Variants in NFAT5 observed in about 807,000 individuals in gnomAD.
NFAT5 encodes the protein nuclear factor of activated T-cells 5.
NFAT5 carries 31 observed loss-of-function variants against 166.5 expected under a neutral mutation model. That is an observed-to-expected ratio of 0.19 (90% CI 0.14 to 0.25). The LOEUF (loss-of-function observed/expected upper bound fraction) is 0.25, where lower values mean the gene tolerates loss of function less well. Among genes scored for constraint, NFAT5 ranks in the 10% least tolerant of loss-of-function variants. NFAT5 has a pLI of 1.00. For missense variants in NFAT5, 1,449 were observed against 1,821.8 expected, an observed-to-expected ratio of 0.80 and a Z score of 3.72; for synonymous variants, 612 against 639.7, an observed-to-expected ratio of 0.96 and a Z score of 0.65.
At chr16:69,657,218 C>T (rs775065440) in intron 6 of NFAT5, among the ~76,000 whole-genome samples, 123 of 151,800 alleles carry the variant, frequency 8.1e-4, no homozygotes, top group African/African-American at 1.9e-3. Context: ...GCAACCTCCA[C>T]CTCCTGGGTT....
chr16:69,632,993 T>C (rs2034786805), intron 3 of NFAT5, among the ~76,000 whole-genome samples: 1 of 152,194 alleles, frequency 6.6e-6, no homozygotes, highest in South Asian at 2.1e-4. Context: ...CATACACTTA[T>C]ACATATGGAT....
At chr16:69,631,580 T>A (rs2034720336) in intron 3 of NFAT5, among the ~76,000 whole-genome samples, 1 of 152,178 alleles carries the variant, frequency 6.6e-6, no homozygotes, top group Non-Finnish European at 1.5e-5. Flanking sequence ...TTAATACTCT[T>A]TTTAGAAGTA....
intron 7 of NFAT5, 137 bp from the exon 8 acceptor site, chr16:69,669,840 A>G (rs2036553253): frequency 7.0e-6 from 5 of 714,628 alleles, no homozygotes; most frequent in Non-Finnish European, 8.6e-6. Flanking sequence ...CTTTCCAGAT[A>G]ATTGTGTAAC....
chr16:69,667,010 A>G (rs894119674), intron 7 of NFAT5, among the ~76,000 whole-genome samples: 1 of 151,978 alleles, frequency 6.6e-6, no homozygotes, highest in African/African-American at 2.4e-5. Flanking sequence ...TGATGAGTTC[A>G]TGTCCTTTGT....
intron 7 of NFAT5, among the ~76,000 whole-genome samples, chr16:69,668,318 A>G (rs757754493): frequency 5.3e-5 from 8 of 152,152 alleles, no homozygotes; most frequent in Non-Finnish European, 1.0e-4. Flanking sequence ...AACAATTTCT[A>G]TTAAACTCCC....
At chr16:69,630,539 A>G (rs562942078) in intron 3 of NFAT5, among the ~76,000 whole-genome samples, 2 of 152,324 alleles carry the variant, frequency 1.3e-5, no homozygotes, top group South Asian at 2.1e-4. Flanking sequence ...GATGTTCAAT[A>G]TATCAATGAA....
intron 11 of NFAT5, 26 bp downstream of exon 11, chr16:69,684,996 T>C: frequency 1.3e-6 from 2 of 1,545,612 alleles, no homozygotes; most frequent in Admixed American, 1.7e-5. Context: ...TTCTCAAAAA[T>C]CGTAATTGGG....
chr16:69,663,434 A>C (rs2036232453), intron 7 of NFAT5, among the ~76,000 whole-genome samples: 1 of 151,982 alleles, frequency 6.6e-6, no homozygotes, highest in Non-Finnish European at 1.5e-5. Flanking sequence ...GTTATATCAA[A>C]TTAAGAATAT....
At chr16:69,618,519 A>G (rs962525606) in intron 2 of NFAT5, among the ~76,000 whole-genome samples, 6 of 152,244 alleles carry the variant, frequency 3.9e-5, no homozygotes. Flanking sequence ...TGTTTTTAAC[A>G]AAATGAATGC....
In NFAT5 at chr16:69,655,812, T is replaced by C; in HGVS notation, c.1196+13T>C. The C allele has an allele frequency of 6.2e-7, 1 of 1,603,506 alleles. No individual in the cohort carries two copies. Among genetic ancestry groups the C allele is most frequent in the South Asian group, 1.1e-5 (1 of 89,680 alleles). On this transcript the variant is annotated intron_variant, in intron 6 of 14. Transcript: ENST00000349945. ...ACATGACACTGGCGTAAGTACTTAG[T>C]AAGAATTTTTCATTATACATTACAC...
At chr16:69,587,944 CTTTTTTTTTTTTT>C (rs61460423) in intron 2 of NFAT5, among the ~76,000 whole-genome samples, 2 of 68,232 alleles carry the variant, frequency 2.9e-5, no homozygotes, top group Admixed American at 1.8e-4. Flanking sequence ...ATAGTGCTTT[CTTTTTTTTTTTTT>C]TTTTTTTTTT....
intron 9 of NFAT5, among the ~76,000 whole-genome samples, chr16:69,674,871 A>C (rs2036769999): frequency 6.6e-6 from 1 of 152,204 alleles, no homozygotes; most frequent in Admixed American, 6.5e-5. Flanking sequence ...TTTTTCTAAG[A>C]AGTTAAAATT....
chr16:69,625,836 A>G (rs1275580421), intron 2 of NFAT5, among the ~76,000 whole-genome samples: 2 of 151,952 alleles, frequency 1.3e-5, no homozygotes, highest in Admixed American at 1.3e-4. Flanking sequence ...TTTCAATGTT[A>G]ATAACTTTTT....
chr16:69,584,711 C>A (rs979846865), intron 2 of NFAT5, among the ~76,000 whole-genome samples: 6 of 151,910 alleles, frequency 3.9e-5, no homozygotes, highest in Non-Finnish European at 8.8e-5. Flanking sequence ...TCCCCTGAGG[C>A]CAGGATGTCG....
intron 10 of NFAT5, among the ~76,000 whole-genome samples, chr16:69,678,426 G>A (rs2036922552): frequency 6.6e-6 from 1 of 151,966 alleles, no homozygotes; most frequent in South Asian, 2.1e-4. Flanking sequence ...TGTTAGCCAG[G>A]CTGGTCTCAA....
chr16:69,653,233 C>T lies in NFAT5; in HGVS notation c.813-3C>T, dbSNP rs760970942. On this transcript the variant is annotated splice_polypyrimidine_tract_variant and splice_region_variant and intron_variant, in intron 4 of 14. Transcript: ENST00000349945. ...TTCTCCATGTTGTGCTTTGATTTCT[C>T]AGAACATTGGAAAACCAAAAAGGAA... 3 of 1,551,408 alleles carry T rather than the reference C, an allele frequency of 1.9e-6. No individual in the cohort carries two copies. The East Asian group carries it at 7.3e-5, about 38-fold the overall frequency.
intron 13 of NFAT5, among the ~76,000 whole-genome samples, chr16:69,694,513 C>G (rs1366706247): frequency 2.0e-5 from 3 of 152,172 alleles, no homozygotes; most frequent in Non-Finnish European, 4.4e-5. Flanking sequence ...CCTCGGCCTC[C>G]CAAAGTGCTG....
intron 2 of NFAT5, among the ~76,000 whole-genome samples, chr16:69,618,074 C>T (rs569299565): frequency 1.8e-3 from 275 of 150,354 alleles, no homozygotes; most frequent in African/African-American, 4.9e-3. Flanking sequence ...AAGAGAATTG[C>T]TTGGACCGGG....
intron 3 of NFAT5, among the ~76,000 whole-genome samples, chr16:69,639,832 T>C (rs1341335486): frequency 6.6e-6 from 1 of 152,186 alleles, no homozygotes; most frequent in Non-Finnish European, 1.5e-5. Flanking sequence ...GAATTCTGGC[T>C]TATGGATTAG....
Sources: gnomAD v4.1 joint callset for allele counts (sites outside exome capture counted in the v4.1 genomes callset) on GRCh38, gnomAD v4.1.1 for gene constraint, MANE v1.5 for transcripts, NCBI Gene and HGNC (gene_info 2026-07-23, HGNC 2026-07-21) for gene names.